APC: variants seen among roughly 807,000 people sequenced by gnomAD.
APC encodes APC regulator of Wnt signaling pathway.
A neutral mutation model predicts 247.0 loss-of-function variants in APC; 72 were observed. The ratio of observed to expected loss-of-function variants is 0.29; its 90% CI spans 0.24 to 0.35. APC has a LOEUF of 0.35. Among genes scored for constraint, APC ranks in the 10% least tolerant of loss-of-function variants. APC has a pLI of 1.00. For missense variants in APC, 3,400 were observed against 3,360.7 expected (o/e 1.01, Z -0.29); for synonymous variants, 1,254 against 1,162.5 (o/e 1.08, Z -1.60).
intron 7 of APC, 69 bp from the exon 8 acceptor site, chr5:112,801,209 GA>G (rs1760780592): frequency 2.3e-6 from 3 of 1,318,446 alleles, no homozygotes; most frequent in East Asian, 2.4e-5. Flanking sequence ...AGCAAAAAAA[GA>G]AAAAAAGCCT....
At chr5:112,773,696 G>C (rs1302409546) in intron 4 of APC, among the ~76,000 whole-genome samples, 2 of 152,100 alleles carry the variant, frequency 1.3e-5, no homozygotes, top group Non-Finnish European at 2.9e-5. Context: ...CCATATTCAA[G>C]GGTCAACTGA....
intron 7 of APC, among the ~76,000 whole-genome samples, chr5:112,795,256 G>A (rs993317384): frequency 6.6e-6 from 1 of 152,140 alleles, no homozygotes; most frequent in African/African-American, 2.4e-5. Flanking sequence ...TTGAACTCCT[G>A]ACCTCATGAT....
chr5:112,769,116 A>G (rs571382388), intron 4 of APC, among the ~76,000 whole-genome samples: 9 of 141,420 alleles, frequency 6.4e-5, no homozygotes, highest in Admixed American at 2.2e-4. Flanking sequence ...CAGTGGCGCA[A>G]TCTTGGCTCC....
chr5:112,795,563 T>A (rs1760130636), intron 7 of APC, among the ~76,000 whole-genome samples: 1 of 152,182 alleles, frequency 6.6e-6, no homozygotes, highest in African/African-American at 2.4e-5. Flanking sequence ...CTACCCTGAG[T>A]TGCCTCATTA....
chr5:112,754,392 CT>C lies in APC; in HGVS notation c.-18-477del, dbSNP rs552885097. On this transcript the variant is annotated intron_variant, in intron 1 of 15. Transcript: ENST00000257430. ...ACCATGGAGGATGTGTAAGATTAGC[CT>C]TTTATCAAATAAAAAGTGTGAAATG... Among the ~76,000 whole-genome samples, 250 of 152,234 alleles carry C rather than the reference CT, an allele frequency of 1.6e-3. 4 individuals are homozygous for C. The highest frequency in any genetic ancestry group is 5.9e-3 in the African/African-American group (245 of 41,538).
Position 112,845,640 on chromosome 5 carries a change from A to G in APC, c.*1514A>G, listed in dbSNP as rs1286923020. 1.3e-5 allele frequency: 3 copies of G among 231,974 alleles called. No homozygotes were observed. Among genetic ancestry groups the G allele is most frequent in the African/African-American group, 2.2e-5 (1 of 45,262 alleles). The allele number at this position is 231,974 out of a possible 1,614,324, so 14.4% of individuals were successfully genotyped here. ...AATCCCTGCCTGTTAAGGAAACTTT[A>G]TTTGTGGTAGGTACAGTTCTGGGGT... On this transcript the variant is annotated 3_prime_UTR_variant, in exon 16 of 16. Transcript: ENST00000257430.
chr5:112,786,055 C>T (rs1376178087), intron 6 of APC, among the ~76,000 whole-genome samples: 1 of 152,042 alleles, frequency 6.6e-6, no homozygotes, highest in African/African-American at 2.4e-5. Flanking sequence ...TATAAGAATT[C>T]CTACAAATGA....
chr5:112,794,052 AAAAAG>A (rs1222694396), intron 7 of APC, among the ~76,000 whole-genome samples: 4 of 93,558 alleles, frequency 4.3e-5, no homozygotes, highest in East Asian at 1.1e-3. Context: ...TAAAAAAAAA[AAAAAG>A]GTAGGATGAT....
intron 1 of APC, among the ~76,000 whole-genome samples, chr5:112,709,734 T>A (rs1256043004): frequency 6.6e-6 from 1 of 152,026 alleles, no homozygotes. Context: ...AAGCCTCATC[T>A]GTACAAAAAA....
chr5:112,768,961 T>C (rs1456875279), intron 4 of APC, among the ~76,000 whole-genome samples: 1 of 152,086 alleles, frequency 6.6e-6, no homozygotes, highest in African/African-American at 2.4e-5. Context: ...CAAATCTCTC[T>C]TTATCTCTTC....
chr5:112,820,303 A>AT (rs1011048898), intron 10 of APC, among the ~76,000 whole-genome samples: 3 of 152,018 alleles, frequency 2.0e-5, no homozygotes, highest in Non-Finnish European at 4.4e-5. Flanking sequence ...CCTATAGCAG[A>AT]TTTTTTTAAG....
At position 112,738,400 on chromosome 5, in the gene APC, G is replaced by C. The variant is rs1752579388; in HGVS notation, c.-19+475G>C. 5 of 985,754 alleles carry C rather than the reference G, an allele frequency of 5.1e-6. No individual in the cohort carries two copies. Among genetic ancestry groups the C allele is most frequent in the Non-Finnish European group, 6.0e-6 (5 of 830,072 alleles). 61.1% of individuals were successfully genotyped at this position (985,754 alleles called of 1,614,324 possible). ...AGAGAGAGGAGACAAAACCGCTGCAGATGGCTGATGTGAATCTAGTGGAAA... is the reference window on the plus strand; with the variant it reads ...AGAGAGAGGAGACAAAACCGCTGCACATGGCTGATGTGAATCTAGTGGAAA... On this transcript the variant is annotated intron_variant, in intron 1 of 15. Transcript: ENST00000257430.
At chr5:112,779,397 T>C (rs994061640) in intron 5 of APC, among the ~76,000 whole-genome samples, 1 of 152,210 alleles carries the variant, frequency 6.6e-6, no homozygotes, top group Non-Finnish European at 1.5e-5. Context: ...GAAACAAAGA[T>C]CAGTTGTCAA....
At chr5:112,788,010 T>G (rs936598290) in intron 6 of APC, among the ~76,000 whole-genome samples, 1 of 152,154 alleles carries the variant, frequency 6.6e-6, no homozygotes, top group Non-Finnish European at 1.5e-5. Flanking sequence ...ATACATATAT[T>G]TATGTTGTTA....
At chr5:112,749,627 A>G (rs1754086140) in intron 1 of APC, among the ~76,000 whole-genome samples, 1 of 151,878 alleles carries the variant, frequency 6.6e-6, no homozygotes, top group Non-Finnish European at 1.5e-5. Flanking sequence ...CGCTGGGACT[A>G]CAGGCACATG....
chr5:112,790,090 G>T (rs1399208664), intron 6 of APC, among the ~76,000 whole-genome samples: 1 of 151,956 alleles, frequency 6.6e-6, no homozygotes, highest in Non-Finnish European at 1.5e-5. Flanking sequence ...AAACTCCTGA[G>T]CTTAAGCAGT....
chr5:112,734,194 GA>G (rs1752248029), upstream of APC, among the ~76,000 whole-genome samples: 1 of 152,074 alleles, frequency 6.6e-6, no homozygotes, highest in Non-Finnish European at 1.5e-5. Context: ...CCTCGTCCCT[GA>G]AAAAATGGGA....
At chr5:112,802,290 A>G (rs1280163685) in intron 8 of APC, among the ~76,000 whole-genome samples, 3 of 152,166 alleles carry the variant, frequency 2.0e-5, no homozygotes, top group African/African-American at 4.8e-5. Flanking sequence ...TAAAACAAAC[A>G]TACTTCATTC....
upstream of APC, chr5:112,737,791 G>A (rs1752494915): frequency 1.0e-6 from 1 of 956,172 alleles, no homozygotes. Flanking sequence ...GCGGACCAGG[G>A]CGCTCCCCAT....
Sources: gnomAD v4.1 joint callset for allele counts (sites outside exome capture counted in the v4.1 genomes callset) on GRCh38, gnomAD v4.1.1 for gene constraint, MANE v1.5 for transcripts, NCBI Gene and HGNC (gene_info 2026-07-23, HGNC 2026-07-21) for gene names.